ARLN: variants seen among roughly 807,000 people sequenced by gnomAD.
ARLN encodes the protein sarcoplasmic/endoplasmic reticulum calcium ATPase regulator ARLN.
At chr4:119,297,773 A>G in the ARLN span, 1 of 152,760 alleles carries the variant, frequency 6.5e-6, no homozygotes, top group African/African-American at 2.4e-5. Context: ...AATATTTTTT[A>G]TTAGCTACTA....
At chr4:119,304,276 C>T in the ARLN span, 5 of 1,536,696 alleles carry the variant, frequency 3.3e-6, no homozygotes, top group African/African-American at 1.4e-5. Flanking sequence ...TAACTTGTCT[C>T]CACCTTCTAT....
At chr4:119,300,237 A>G in the ARLN span, 1 of 941,726 alleles carries the variant, frequency 1.1e-6, no homozygotes, top group Non-Finnish European at 1.6e-6. Context: ...GATCTTGGAC[A>G]TATATAAACT....
the ARLN span, chr4:119,298,884 T>C: frequency 1.5e-6 from 1 of 654,312 alleles, no homozygotes; most frequent in African/African-American, 1.8e-5. Flanking sequence ...AGAACATTTC[T>C]TGTAAGGCCT....
the ARLN span, among the ~76,000 whole-genome samples, chr4:119,299,606 G>A: frequency 2.0e-5 from 3 of 152,206 alleles, no homozygotes; most frequent in East Asian, 5.8e-4. Flanking sequence ...TTTACCCTCT[G>A]CCAGAATTGT....
chr4:119,298,637 A>G, the ARLN span: 2 of 544,938 alleles, frequency 3.7e-6, no homozygotes, highest in Non-Finnish European at 6.7e-6. Flanking sequence ...AATTAGTAAC[A>G]AAGTGTAAAA....
At chr4:119,298,886 G>T in the ARLN span, 1 of 650,130 alleles carries the variant, frequency 1.5e-6, no homozygotes, top group African/African-American at 1.8e-5. Context: ...AACATTTCTT[G>T]TAAGGCCTCT....
the ARLN span, among the ~76,000 whole-genome samples, chr4:119,303,839 G>A: frequency 6.6e-6 from 1 of 152,216 alleles, no homozygotes; most frequent in Non-Finnish European, 1.5e-5. Context: ...TTGTGCCACT[G>A]CACTTCAGCC....
At chr4:119,300,641 A>AGTGCGCC in the ARLN span, 12 of 1,578,100 alleles carry the variant, frequency 7.6e-6, no homozygotes, top group Non-Finnish European at 1.0e-5. Context: ...CCGCCTGCGC[A>AGTGCGCC]GTGCGCCGCG....
the ARLN span, among the ~76,000 whole-genome samples, chr4:119,301,234 T>G: frequency 9.8e-6 from 1 of 102,088 alleles, no homozygotes; most frequent in Non-Finnish European, 1.9e-5. Context: ...TGAAATCCCG[T>G]CTCTACTAAA....
At chr4:119,297,194 T>G in the ARLN span, 1 of 152,246 alleles carries the variant, frequency 6.6e-6, no homozygotes, top group Non-Finnish European at 1.5e-5. Flanking sequence ...TGGTTCTCTT[T>G]AGGTTGATGT....
At chr4:119,303,997 C>A in the ARLN span, among the ~76,000 whole-genome samples, 3 of 152,236 alleles carry the variant, frequency 2.0e-5, no homozygotes, top group African/African-American at 7.2e-5. Context: ...TGGCTCTACT[C>A]TACTCAGCCA....
chr4:119,298,809 T>C, the ARLN span: 1 of 773,806 alleles, frequency 1.3e-6, no homozygotes, highest in Non-Finnish European at 2.4e-6. Flanking sequence ...GTCAGCAATA[T>C]GTGCTTTATC....
At chr4:119,300,058 G>C in the ARLN span, among the ~76,000 whole-genome samples, 1 of 151,942 alleles carries the variant, frequency 6.6e-6, no homozygotes, top group Admixed American at 6.6e-5. Context: ...GTCGCTTCAT[G>C]GTGCTGCAGG....
the ARLN span, among the ~76,000 whole-genome samples, chr4:119,303,224 T>G: frequency 6.9e-6 from 1 of 144,994 alleles, no homozygotes; most frequent in African/African-American, 2.5e-5. Context: ...TATTGTTCTC[T>G]TCAATTCTTT....
chr4:119,302,890 T>G, the ARLN span, among the ~76,000 whole-genome samples: 3 of 152,214 alleles, frequency 2.0e-5, no homozygotes, highest in African/African-American at 7.2e-5. Context: ...AGGGAGATGA[T>G]GATGAATTTT....
At chr4:119,300,963 A>G in the ARLN span, 13 of 658,936 alleles carry the variant, frequency 2.0e-5, no homozygotes, top group African/African-American at 2.4e-4. Flanking sequence ...ACGTGTTAGG[A>G]AGGCCCCCTC....
the ARLN span, chr4:119,300,552 C>A: frequency 5.0e-6 from 8 of 1,614,026 alleles, no homozygotes; most frequent in Admixed American, 1.7e-5. Context: ...CCTGCAGCTT[C>A]GTAACAACCC....
the ARLN span, chr4:119,301,033 G>C: frequency 2.0e-5 from 8 of 398,464 alleles, no homozygotes; most frequent in Admixed American, 4.1e-5. Context: ...CACCAATGAG[G>C]TGGACGTCCT....
chr4:119,301,003 G>A, the ARLN span: 1 of 483,572 alleles, frequency 2.1e-6, no homozygotes, highest in Non-Finnish European at 3.6e-6. Context: ...TCTAGCATTT[G>A]ACACTTAATA....
Sources: gnomAD v4.1 joint callset for allele counts (sites outside exome capture counted in the v4.1 genomes callset) on GRCh38, gnomAD v4.1.1 for gene constraint, MANE v1.5 for transcripts, NCBI Gene and HGNC (gene_info 2026-07-23, HGNC 2026-07-21) for gene names.